The following AGBL1 variants were observed in gnomAD, a reference collection of about 807,000 sequenced individuals.
AGBL1 encodes cytosolic carboxypeptidase 4.
Under a neutral mutation model 118.9 loss-of-function variants are expected in AGBL1, and 130 were observed. That is an observed-to-expected ratio of 1.09 (90% CI 0.95 to 1.26). The LOEUF (loss-of-function observed/expected upper bound fraction) is 1.26, where lower values mean the gene tolerates loss of function less well. Ranked by LOEUF, AGBL1 falls within the 50% of genes most tolerant of loss-of-function variation. AGBL1 has a pLI of 0.00. For missense variants in AGBL1, 1,584 were observed against 1,298.1 expected (o/e 1.22, Z -3.38); for synonymous variants, 555 against 478.9 (o/e 1.16, Z -2.08).
chr15:86,301,258 A>G (rs1047907193), intron 17 of AGBL1, among the ~76,000 whole-genome samples: 9 of 152,108 alleles, frequency 5.9e-5, no homozygotes, highest in Non-Finnish European at 1.2e-4. Flanking sequence ...ACAATCCATA[A>G]AGACTATTGA....
chr15:86,292,636 G>T (rs115716341), intron 16 of AGBL1, among the ~76,000 whole-genome samples: 13 of 152,276 alleles, frequency 8.5e-5, no homozygotes, highest in African/African-American at 3.1e-4. Context: ...TATTTATTGA[G>T]ACCTTAAAGC....
chr15:86,560,849 G>T (rs2142285222), intron 21 of AGBL1, among the ~76,000 whole-genome samples: 1 of 152,304 alleles, frequency 6.6e-6, no homozygotes, highest in Non-Finnish European at 1.5e-5. Context: ...GTGTGAGATG[G>T]TATGTCATTG....
chr15:86,704,091 A>G (rs2086406681), intron 22 of AGBL1, among the ~76,000 whole-genome samples: 1 of 152,226 alleles, frequency 6.6e-6, no homozygotes, highest in Non-Finnish European at 1.5e-5. Flanking sequence ...AGCCATATGC[A>G]GAAAACTGAA....
intron 5 of AGBL1, among the ~76,000 whole-genome samples, chr15:86,209,861 C>T (rs757826648): frequency 7.2e-5 from 11 of 152,152 alleles, no homozygotes; most frequent in Middle Eastern, 6.8e-3. Flanking sequence ...GTCATTATGA[C>T]GTTAGCTGGT....
chr15:86,703,154 G>T (rs1027972064), intron 22 of AGBL1, among the ~76,000 whole-genome samples: 2 of 152,146 alleles, frequency 1.3e-5, no homozygotes, highest in Non-Finnish European at 2.9e-5. Flanking sequence ...TTCCAACCAT[G>T]GTTGTAGTAT....
chr15:86,683,210 A>G (rs1379399024), intron 22 of AGBL1, among the ~76,000 whole-genome samples: 2 of 150,342 alleles, frequency 1.3e-5, no homozygotes, highest in African/African-American at 4.9e-5. Flanking sequence ...TCCTTAACGT[A>G]TGTATTGGGT....
At chr15:86,253,822 A>G (rs1249277534) in intron 7 of AGBL1, among the ~76,000 whole-genome samples, 1 of 152,184 alleles carries the variant, frequency 6.6e-6, no homozygotes, top group Non-Finnish European at 1.5e-5. Context: ...ACATTGTTGT[A>G]TAACTGTCAC....
intron 18 of AGBL1, among the ~76,000 whole-genome samples, chr15:86,485,306 C>A (rs1203761436): frequency 6.6e-6 from 1 of 152,116 alleles, no homozygotes; most frequent in Non-Finnish European, 1.5e-5. Context: ...CTGCTCAAAG[C>A]CACATCTGAA....
intron 22 of AGBL1, among the ~76,000 whole-genome samples, chr15:86,820,116 C>T (rs1032141057): frequency 5.3e-5 from 8 of 152,160 alleles, no homozygotes; most frequent in African/African-American, 1.7e-4. Context: ...TGAACCCCTT[C>T]CTTACACCTT....
At chr15:86,486,500 C>T (rs937050018) in intron 18 of AGBL1, among the ~76,000 whole-genome samples, 8 of 152,072 alleles carry the variant, frequency 5.3e-5, no homozygotes, top group Admixed American at 1.3e-4. Flanking sequence ...ACTGGCTGGA[C>T]GTTGGGATCT....
chr15:86,929,129 A>G (rs2080578131), intron 23 of AGBL1, among the ~76,000 whole-genome samples: 1 of 152,058 alleles, frequency 6.6e-6, no homozygotes, highest in Non-Finnish European at 1.5e-5. Context: ...TCCTCAGTCC[A>G]CTATTCATTT....
chr15:86,101,834 A>G (rs1285012639), intron 1 of AGBL1, among the ~76,000 whole-genome samples: 2 of 152,132 alleles, frequency 1.3e-5, no homozygotes, highest in African/African-American at 4.8e-5. Flanking sequence ...ATTTCAGTCT[A>G]TATCTTTTAA....
intron 23 of AGBL1, among the ~76,000 whole-genome samples, chr15:86,959,639 C>A (rs1339500671): frequency 1.3e-5 from 2 of 151,994 alleles, no homozygotes; most frequent in African/African-American, 4.8e-5. Flanking sequence ...ACTGGTAAAT[C>A]TACTCTGTTT....
chr15:86,547,620 CATT>C (rs2083602440), intron 20 of AGBL1, among the ~76,000 whole-genome samples: 1 of 152,032 alleles, frequency 6.6e-6, no homozygotes, highest in South Asian at 2.1e-4. Context: ...AAAGGCATAA[CATT>C]ATAGAGACAG....
At chr15:86,689,612 T>G (rs1391366835) in intron 22 of AGBL1, among the ~76,000 whole-genome samples, 2 of 152,078 alleles carry the variant, frequency 1.3e-5, no homozygotes, top group African/African-American at 4.8e-5. Context: ...ATACGCTGAT[T>G]AATGGATATT....
chr15:86,683,818 G>A (rs1413294220), intron 22 of AGBL1, among the ~76,000 whole-genome samples: 1 of 152,116 alleles, frequency 6.6e-6, no homozygotes, highest in Non-Finnish European at 1.5e-5. Flanking sequence ...TCCCAAACAG[G>A]AGCAGTTGTT....
At chr15:86,548,111 G>A (rs1256317808) in intron 20 of AGBL1, among the ~76,000 whole-genome samples, 1 of 151,624 alleles carries the variant, frequency 6.6e-6, no homozygotes, top group East Asian at 1.9e-4. Context: ...TTTACAGATG[G>A]GAAAATTGAG....
intron 18 of AGBL1, among the ~76,000 whole-genome samples, chr15:86,411,502 C>T (rs771739308): frequency 3.9e-5 from 6 of 152,122 alleles, no homozygotes; most frequent in East Asian, 1.9e-4. Context: ...CTCCCCACCG[C>T]GATTTACAGG....
intron 24 of AGBL1, among the ~76,000 whole-genome samples, chr15:87,014,732 G>C (rs753750199): frequency 6.6e-6 from 1 of 152,150 alleles, no homozygotes; most frequent in Non-Finnish European, 1.5e-5. Context: ...TTTATCACTT[G>C]TACTGCCAGG....
Sources: gnomAD v4.1 joint callset for allele counts (sites outside exome capture counted in the v4.1 genomes callset) on GRCh38, gnomAD v4.1.1 for gene constraint, MANE v1.5 for transcripts, NCBI Gene and HGNC (gene_info 2026-07-23, HGNC 2026-07-21) for gene names.